Variants in PIWIL1 observed in about 807,000 individuals in gnomAD.
The protein encoded by PIWIL1 is piwi-like protein 1.
A neutral mutation model predicts 114.4 loss-of-function variants in PIWIL1; 73 were observed. The ratio of observed to expected loss-of-function variants is 0.64; its 90% CI spans 0.53 to 0.78. PIWIL1 has a LOEUF of 0.78. Among genes scored for constraint, PIWIL1 ranks in the 30% least tolerant of loss-of-function variants. PIWIL1 has a pLI of 0.00. For missense variants in PIWIL1, 723 were observed against 1,063.1 expected (o/e 0.68, Z 4.45); for synonymous variants, 375 against 369.0 (o/e 1.02, Z -0.19).
At chr12:130,402,771 T>G in the PIWIL1 span, among the ~76,000 whole-genome samples, 1 of 152,216 alleles carries the variant, frequency 6.6e-6, no homozygotes, top group Admixed American at 6.5e-5. Context: ...CAGTGAGACA[T>G]CCACTCGTGT....
rs2073685042 is a variant in PIWIL1, at chr12:130,367,244, T to A, written c.2307T>A (p.Val769=). ...CTGGAACAGTTATTGATGTAGAGGTTACCAGACCAGAATGGTAAGTTCCAT... is the reference window on the plus strand; with the variant it reads ...CTGGAACAGTTATTGATGTAGAGGTAACCAGACCAGAATGGTAAGTTCCAT... ...PLPGTVIDVE[V]TRPEWYDFFI... The change falls in exon 19 of 21, where the codon GTT becomes GTA. Residue 769 remains valine, a synonymous_variant. Transcript: ENST00000245255. 4 of 1,613,786 alleles carry A rather than the reference T, an allele frequency of 2.5e-6. No individual in the cohort carries two copies. The highest frequency in any genetic ancestry group is 2.5e-6 in the Non-Finnish European group (3 of 1,179,740).
At chr12:130,349,547 A>G (rs755180359) in intron 8 of PIWIL1, 111 bp downstream of exon 8, 31 of 740,036 alleles carry the variant, frequency 4.2e-5, no homozygotes, top group Non-Finnish European at 5.8e-5. Context: ...TGGGAATAGC[A>G]CAAAACAAGG....
chr12:130,386,321 T>A, the PIWIL1 span, among the ~76,000 whole-genome samples: 1 of 152,046 alleles, frequency 6.6e-6, no homozygotes, highest in Admixed American at 6.6e-5. Context: ...AAGGAAATAA[T>A]TATCCTTAAT....
At chr12:130,387,955 AT>A in the PIWIL1 span, among the ~76,000 whole-genome samples, 1 of 152,202 alleles carries the variant, frequency 6.6e-6, no homozygotes, top group Non-Finnish European at 1.5e-5. Context: ...AGTCAGAAAT[AT>A]GTTCATCTGT....
the PIWIL1 span, among the ~76,000 whole-genome samples, chr12:130,382,513 C>T: frequency 6.6e-6 from 1 of 152,230 alleles, no homozygotes; most frequent in East Asian, 1.9e-4. Flanking sequence ...GATGTGAGTG[C>T]TCCAGAGCCA....
the PIWIL1 span, among the ~76,000 whole-genome samples, chr12:130,378,898 T>C: frequency 6.6e-6 from 1 of 152,244 alleles, no homozygotes; most frequent in Non-Finnish European, 1.5e-5. Context: ...AGTTTCTGGC[T>C]TGCTGTTTTG....
chr12:130,402,455 T>C, the PIWIL1 span, among the ~76,000 whole-genome samples: 1 of 152,160 alleles, frequency 6.6e-6, no homozygotes, highest in African/African-American at 2.4e-5. Context: ...CCATGTTTCC[T>C]GCCTGGAGGG....
chr12:130,346,827 C>A, intron 5 of PIWIL1, 114 bp from the exon 6 acceptor site: 1 of 1,338,772 alleles, frequency 7.5e-7, no homozygotes, highest in Non-Finnish European at 1.0e-6. Flanking sequence ...AAAAAAAATC[C>A]AGTTAAAACA....
At chr12:130,344,058 T>C (rs374842273) in intron 3 of PIWIL1, among the ~76,000 whole-genome samples, 4 of 152,216 alleles carry the variant, frequency 2.6e-5, no homozygotes, top group African/African-American at 7.2e-5. Context: ...TCTGTCCTCT[T>C]CATCAAGTGA....
chr12:130,360,420 G>C lies in PIWIL1; in HGVS notation c.1666-760G>C, dbSNP rs183969630. Among the ~76,000 whole-genome samples the C allele has an allele frequency of 2.4e-3, 370 of 152,290 alleles. 6 individuals carry two copies. The highest frequency in any genetic ancestry group is 0.019 in the South Asian group (92 of 4,816). On this transcript the variant is annotated intron_variant, in intron 14 of 20. Transcript: ENST00000245255. ...GGAGGCCGAGGCAGGCGGATCACAA[G>C]TCAGGAGATTGAGAACATCTTGGCC... is the stretch of plus-strand genomic sequence containing the variant.
In PIWIL1 at chr12:130,354,544, AC is replaced by A. The variant is rs762798932; in HGVS notation, c.1054del (p.Gln352LysfsTer6). On this transcript the variant is annotated frameshift_variant, in exon 10 of 21. Transcript: ENST00000245255. LOFTEE classifies it high-confidence loss of function. ...SFLEYYRKQY[N>X]QEITDLKQPV... ...CTTTCGTCTCTTGAGCAGCAATACA[AC>A]CAAGAGATCACCGACTTGAAGCAGC... The A allele has an allele frequency of 4.3e-6, 7 of 1,614,046 alleles. No individual in the cohort carries two copies. The highest frequency in any genetic ancestry group is 1.6e-4 in the Middle Eastern group (1 of 6,084).
At chr12:130,407,317 C>T in the PIWIL1 span, among the ~76,000 whole-genome samples, 2 of 152,228 alleles carry the variant, frequency 1.3e-5, no homozygotes, top group African/African-American at 2.4e-5. Context: ...GGCGACACAA[C>T]CTCACCTATC....
the PIWIL1 span, among the ~76,000 whole-genome samples, chr12:130,403,185 G>A: frequency 0.12 from 17,718 of 152,130 alleles, 1,121 homozygotes; most frequent in South Asian, 0.21. Context: ...TAAGATTTTT[G>A]GTATCAAATT....
At chr12:130,350,223 G>A (rs986007471) in intron 9 of PIWIL1, among the ~76,000 whole-genome samples, 5 of 152,192 alleles carry the variant, frequency 3.3e-5, no homozygotes, top group Non-Finnish European at 7.3e-5. Context: ...TTGAATTGAA[G>A]CCTATGGAGG....
chr12:130,347,116 G>C, intron 6 of PIWIL1, 54 bp downstream of exon 6: 1 of 1,310,126 alleles, frequency 7.6e-7, no homozygotes, highest in South Asian at 1.2e-5. Flanking sequence ...TGAAATAATT[G>C]TACATTGAAC....
rs1434811174 is a variant in PIWIL1, at chr12:130,372,293, T to G, written c.*695T>G. The G allele has an allele frequency of 6.6e-6, 1 of 152,248 alleles. No homozygotes were observed. The highest frequency in any genetic ancestry group is 2.4e-5 in the African/African-American group (1 of 41,470). 9.4% of individuals were successfully genotyped at this position (152,248 alleles called of 1,614,324 possible). On this transcript the variant is annotated 3_prime_UTR_variant, in exon 21 of 21. Coordinates refer to ENST00000245255, the MANE Select transcript of PIWIL1 (RefSeq NM_004764.5). ...TTTTGGAACTGGGACATGATTCTAT[T>G]TGTTATAAAATAAAATTGATGTGAT...
Position 130,371,794 on chromosome 12 carries a change from T to A in PIWIL1, c.*196T>A. ...TACGTAAAAATTAAGATTTTATATT[T>A]TATCTTCTTGTTTCTCATAGATATT... On this transcript the variant is annotated 3_prime_UTR_variant, in exon 21 of 21. Transcript: ENST00000245255. The A allele has an allele frequency of 2.7e-6, 1 of 363,866 alleles. No homozygotes were observed. Among genetic ancestry groups the A allele is most frequent in the Non-Finnish European group, 4.9e-6 (1 of 204,188 alleles). 22.5% of individuals were successfully genotyped at this position (363,866 alleles called of 1,614,324 possible). A position where few individuals can be genotyped will look rare whatever the true frequency, so the allele number is the denominator to read the frequency against.
chr12:130,424,794 G>T, the PIWIL1 span: 2 of 1,232,958 alleles, frequency 1.6e-6, no homozygotes, highest in African/African-American at 3.1e-5. The surrounding 1 kb of genome is among the most constrained non-coding windows in gnomAD (Gnocchi z 9.8). Context: ...CTTCCTGTGG[G>T]GCTGGTGGGG....
chr12:130,361,565 C>T lies in PIWIL1; in HGVS notation c.1934C>T (p.Ala645Val), dbSNP rs146897162. The change falls in exon 16 of 21, where the codon GCA (alanine) becomes GTA (valine). Residue 645 changes from alanine to valine, a missense_variant. By Grantham distance (64) the Ala-to-Val change is moderately conservative (BLOSUM62 0). Transcript: ENST00000245255. The part of the protein sequence containing the change: ...HDMTAGRRSI[A>V]GFVASINEGM... ...ATGACAGCTGGGCGGAGGTCAATCG[C>T]AGGATTTGTTGCCAGCATCAATGAA... 66 of 1,613,988 alleles carry T rather than the reference C, an allele frequency of 4.1e-5. No homozygotes were observed. The highest frequency in any genetic ancestry group is 5.6e-5 in the Non-Finnish European group (66 of 1,180,034).
Sources: allele counts gnomAD v4.1 joint callset (sites outside exome capture counted in the v4.1 genomes callset), GRCh38; gene constraint gnomAD v4.1.1; non-coding constraint Gnocchi (gnomAD v3.1); transcripts MANE v1.5; gene names NCBI Gene and HGNC (gene_info 2026-07-23, HGNC 2026-07-21).